The following AFF1 variants were observed in gnomAD, a reference collection of about 807,000 sequenced individuals.
The protein encoded by AFF1 is AF4/FMR2 family member 1.
AFF1 carries 48 observed loss-of-function variants against 121.7 expected under a neutral mutation model. That is an observed-to-expected ratio of 0.39 (90% CI 0.31 to 0.50). The LOEUF (loss-of-function observed/expected upper bound fraction) is 0.50, where lower values mean the gene tolerates loss of function less well. Among genes scored for constraint, AFF1 ranks in the 20% least tolerant of loss-of-function variants. AFF1 has a pLI of 0.76. For synonymous variants in AFF1, 613 were observed against 563.0 expected, an observed-to-expected ratio of 1.09 and a Z score of -1.26; for missense variants, 1,523 against 1,511.7, an observed-to-expected ratio of 1.01 and a Z score of -0.12.
chr4:86,992,961 T>G (rs955091601), intron 2 of AFF1, among the ~76,000 whole-genome samples: 4 of 152,298 alleles, frequency 2.6e-5, no homozygotes, highest in African/African-American at 9.6e-5. Context: ...AAGACAAAGA[T>G]TTTTTAAAAA....
chr4:87,133,363 G>A (rs1729013190), intron 19 of AFF1, among the ~76,000 whole-genome samples: 1 of 152,082 alleles, frequency 6.6e-6, no homozygotes, highest in African/African-American at 2.4e-5. Context: ...GATAAGCTTT[G>A]CTATTTTAAG....
chr4:87,096,157 G>GT (rs1038193564), intron 8 of AFF1, among the ~76,000 whole-genome samples: 10 of 152,036 alleles, frequency 6.6e-5, no homozygotes, highest in East Asian at 5.8e-4. Flanking sequence ...AGGTGTTTTT[G>GT]TTTTTTTGGT....
intron 16 of AFF1, among the ~76,000 whole-genome samples, chr4:87,130,735 T>C (rs1245560013): frequency 6.6e-6 from 1 of 152,218 alleles, no homozygotes; most frequent in Non-Finnish European, 1.5e-5. Context: ...TCCAGACATG[T>C]GGAATAATCT....
chr4:87,002,119 T>TTC (rs1560530831), intron 2 of AFF1, among the ~76,000 whole-genome samples: 3 of 148,664 alleles, frequency 2.0e-5, no homozygotes, highest in African/African-American at 7.7e-5. Flanking sequence ...TTTTTTTTTT[T>TTC]CCCAGAGACG....
In AFF1 at chr4:87,079,593, G is replaced by A. The variant is rs573946009; in HGVS notation, c.1060-4527G>A. Among the ~76,000 whole-genome samples, 78 of 152,332 alleles carry A rather than the reference G, an allele frequency of 5.1e-4. No individual in the cohort carries two copies. The South Asian group carries it at 0.016, about 31-fold the overall frequency. On this transcript the variant is annotated intron_variant, in intron 4 of 20. Coordinates refer to ENST00000395146, the MANE Select transcript of AFF1 (RefSeq NM_001166693.3). ...TAAAATGCTAATATATTTGTTTCTT[G>A]CAGCAGTGTTGAGGTTTTTAGAAAA...
chr4:87,111,261 C>A (rs1217940447), intron 11 of AFF1, among the ~76,000 whole-genome samples: 1 of 28,902 alleles, frequency 3.5e-5, no homozygotes, highest in African/African-American at 9.5e-5. Context: ...TCGTGATCCG[C>A]CCGCCTCGGC....
chr4:87,131,992 G>C (rs1052877198), intron 18 of AFF1, 128 bp downstream of exon 18: 2 of 876,542 alleles, frequency 2.3e-6, no homozygotes, highest in African/African-American at 3.5e-5. Context: ...TTGGTCAAAA[G>C]GTTAATCCCT....
rs772644880 is a variant in AFF1 at position 86,946,583 on chromosome 4, G to A, written c.-36-1915G>A. Reference sequence around the variant, plus strand: ...TTTATTTTTATATTTAGCAGAGACGGGTCTTGTCATGTTGCCCAGGCTGGT... The same window carrying A: ...TTTATTTTTATATTTAGCAGAGACGAGTCTTGTCATGTTGCCCAGGCTGGT... On this transcript the variant is annotated intron_variant, in intron 1 of 20. Transcript: ENST00000395146. 3.4e-4 allele frequency among the ~76,000 whole-genome samples: 52 copies of A among 151,888 alleles called. 1 individual carries two copies. Among genetic ancestry groups the A allele is most frequent in the Non-Finnish European group, 6.2e-4 (42 of 67,940 alleles).
At chr4:86,998,554 A>G (rs17012253) in intron 2 of AFF1, among the ~76,000 whole-genome samples, 6,776 of 152,266 alleles carry the variant, frequency 0.045, 495 homozygotes, top group African/African-American at 0.15. Context: ...CAGAGGCCCC[A>G]TCAATCTTTT....
At chr4:87,041,230 C>T (rs1303239192) in intron 2 of AFF1, among the ~76,000 whole-genome samples, 2 of 152,126 alleles carry the variant, frequency 1.3e-5, no homozygotes, top group Non-Finnish European at 2.9e-5. Context: ...GGTTAATAAT[C>T]CCACTCTCAC....
At chr4:87,083,748 T>G (rs1723397542) in intron 4 of AFF1, among the ~76,000 whole-genome samples, 1 of 152,208 alleles carries the variant, frequency 6.6e-6, no homozygotes, top group South Asian at 2.1e-4. Context: ...TTCAGTTAGA[T>G]TAATCTCTCT....
At chr4:86,985,205 ATATAT>A (rs1724136056) in intron 2 of AFF1, among the ~76,000 whole-genome samples, 2 of 127,640 alleles carry the variant, frequency 1.6e-5, no homozygotes, top group Admixed American at 1.6e-4. Context: ...ATATATATAT[ATATAT>A]ATATAAAATT....
chr4:87,101,750 T>C (rs1725456206), intron 8 of AFF1, among the ~76,000 whole-genome samples: 1 of 152,220 alleles, frequency 6.6e-6, no homozygotes, highest in South Asian at 2.1e-4. Context: ...AGTGTTACTT[T>C]TCTTATTATT....
chr4:87,095,098 A>G lies in AFF1; in HGVS notation c.1283+129A>G, dbSNP rs911967862. ...ATAAGACTGCTGCATTCTAAAGGGA[A>G]GAAAGGGCCCACATTAATTTTTTTT... On this transcript the variant is annotated intron_variant, in intron 8 of 20. Transcript: ENST00000395146. 5.6e-5 allele frequency: 49 copies of G among 878,096 alleles called. No individual in the cohort carries two copies. In the Admixed American group the frequency reaches 7.3e-4, roughly 13 times the overall value. The allele number at this position is 878,096 out of a possible 1,614,324, so 54.4% of individuals were successfully genotyped here. A position where few individuals can be genotyped will look rare whatever the true frequency, so the allele number is the denominator to read the frequency against.
At chr4:87,065,152 A>G (rs1721210564) in intron 4 of AFF1, among the ~76,000 whole-genome samples, 1 of 152,226 alleles carries the variant, frequency 6.6e-6, no homozygotes, top group Non-Finnish European at 1.5e-5. Context: ...TTTACAAAGG[A>G]AAGAGGTTTA....
intron 2 of AFF1, among the ~76,000 whole-genome samples, chr4:86,976,397 A>T (rs1184580827): frequency 6.6e-6 from 1 of 152,122 alleles, no homozygotes; most frequent in African/African-American, 2.4e-5. Context: ...AGACTAGATA[A>T]AGAAAATGTG....
chr4:87,131,143 G>A lies in AFF1; in HGVS notation c.3025G>A (p.Gly1009Arg). 1.2e-6 allele frequency: 2 copies of A among 1,614,158 alleles called. No homozygotes were observed. The highest frequency in any genetic ancestry group is 1.7e-6 in the Non-Finnish European group (2 of 1,180,014). ...AGCCGTCTTGTCCTTCATTGAGTGC[G>A]GAATTGCCACAGAGTCTGAAAGCCA... ...LEAVLSFIECGIATESESQSS... is the reference protein window; with the variant it reads ...LEAVLSFIECRIATESESQSS... The change falls in exon 17 of 21, where the codon GGA becomes AGA. Residue 1009 changes from glycine (G) to arginine (R), a missense_variant. Gly to Arg is a moderately radical substitution (Grantham distance 125). Coordinates refer to ENST00000395146, the MANE Select transcript of AFF1 (RefSeq NM_001166693.3).
chr4:87,130,208 A>G (rs931434983), intron 16 of AFF1, among the ~76,000 whole-genome samples: 1 of 152,110 alleles, frequency 6.6e-6, no homozygotes, highest in African/African-American at 2.4e-5. Flanking sequence ...CCTGACCTCA[A>G]GTGATCCACT....
intron 4 of AFF1, among the ~76,000 whole-genome samples, chr4:87,078,529 A>G (rs1308026436): frequency 6.6e-6 from 1 of 152,208 alleles, no homozygotes; most frequent in Admixed American, 6.5e-5. Context: ...CATCTGCAAG[A>G]GAACCTGGAC....
Sources: gnomAD v4.1 joint callset for allele counts (sites outside exome capture counted in the v4.1 genomes callset) on GRCh38, gnomAD v4.1.1 for gene constraint, MANE v1.5 for transcripts, NCBI Gene and HGNC (gene_info 2026-07-23, HGNC 2026-07-21) for gene names.